INPP4B: variants seen among roughly 807,000 people sequenced by gnomAD.
INPP4B encodes the protein inositol polyphosphate 4-phosphatase type II.
INPP4B carries 55 observed loss-of-function variants against 122.5 expected under a neutral mutation model. That is an observed-to-expected ratio of 0.45 (90% CI 0.36 to 0.56). The LOEUF (loss-of-function observed/expected upper bound fraction) is 0.56. Ranked by LOEUF, INPP4B falls within the 20% of genes least tolerant of loss-of-function variation. INPP4B has a pLI of 0.00. For synonymous variants in INPP4B, 403 were observed against 388.7 expected (o/e 1.04, Z -0.43); for missense variants, 1,000 against 1,097.7 (o/e 0.91, Z 1.26).
At chr4:142,123,674 A>G (rs536825508) in intron 19 of INPP4B, among the ~76,000 whole-genome samples, 1 of 152,280 alleles carries the variant, frequency 6.6e-6, no homozygotes, top group African/African-American at 2.4e-5. Context: ...TTCAAATCTT[A>G]TATCTACCAT....
rs1395065264 is a variant in INPP4B at position 142,405,254 on chromosome 4, G to A, written c.207C>T (p.His69=). Residue 69 remains histidine (H), a synonymous_variant, in exon 6 of 26, where the codon CAC becomes CAT. Transcript: ENST00000262992. ...LNTLVQISVI[H]PVEQSLTRYS... is the part of the protein sequence containing the mutation. ...ATCTTGTCAGACTCTGCTCCACGGG[G>A]TGGATTACGGAGATCTGCACCAGTG... The A allele has an allele frequency of 1.2e-6, 2 of 1,613,588 alleles. No individual in the cohort carries two copies. Among genetic ancestry groups the A allele is most frequent in the Non-Finnish European group, 1.7e-6 (2 of 1,179,698 alleles).
intron 2 of INPP4B, among the ~76,000 whole-genome samples, chr4:142,553,669 A>G (rs2150086773): frequency 6.6e-6 from 1 of 152,274 alleles, no homozygotes; most frequent in South Asian, 2.1e-4. Flanking sequence ...ACAGTGGTAA[A>G]TACCTTGATA....
chr4:142,665,851 T>C (rs1755954140), intron 2 of INPP4B, among the ~76,000 whole-genome samples: 1 of 151,470 alleles, frequency 6.6e-6, no homozygotes, highest in South Asian at 2.1e-4. Flanking sequence ...GGCTATGTTC[T>C]AAGACCCCCA....
intron 7 of INPP4B, among the ~76,000 whole-genome samples, chr4:142,363,064 G>A (rs1012618853): frequency 2.6e-5 from 4 of 152,006 alleles, no homozygotes; most frequent in African/African-American, 9.7e-5. Flanking sequence ...TGATCTCCCT[G>A]TACTTTTATT....
chr4:142,667,762 A>G (rs1393523340), intron 2 of INPP4B, among the ~76,000 whole-genome samples: 1 of 152,220 alleles, frequency 6.6e-6, no homozygotes, highest in African/African-American at 2.4e-5. Flanking sequence ...CTGTTCAAGA[A>G]GGAGGCCTCA....
rs1028182423 is a variant in INPP4B at position 142,321,123 on chromosome 4, A to C, written c.373-6361T>G. ...TTCTCTTTTTACCACATCCACACCA[A>C]CATCTATTATTTTTTTGATTTTTTA... is the stretch of plus-strand genomic sequence containing the variant. On this transcript the variant is annotated intron_variant, in intron 7 of 25. Transcript: ENST00000262992. Among the ~76,000 whole-genome samples, 4 of 152,176 alleles carry C rather than the reference A, an allele frequency of 2.6e-5. No individual in the cohort carries two copies. The East Asian group carries it at 7.7e-4, about 29-fold the overall frequency.
intron 1 of INPP4B, among the ~76,000 whole-genome samples, chr4:142,789,422 C>T (rs867404323): frequency 1.3e-5 from 2 of 152,034 alleles, no homozygotes; most frequent in Non-Finnish European, 2.9e-5. Context: ...AATCAGTGCT[C>T]TTCTATACAC....
chr4:142,779,426 A>G (rs1003702058), intron 1 of INPP4B, among the ~76,000 whole-genome samples: 5 of 152,126 alleles, frequency 3.3e-5, no homozygotes, highest in Admixed American at 3.3e-4. Context: ...TAAAACCATC[A>G]AGAGTACAGA....
intron 2 of INPP4B, chr4:142,654,367 T>TAAAAAAAAAAAAAAAAA (rs10677341): frequency 9.9e-6 from 1 of 100,998 alleles, no homozygotes; most frequent in African/African-American, 3.9e-5. Flanking sequence ...ACTTAAAGTA[T>TAAAAAAAAAAAAAAAAA]AAAAAAAAAA....
At chr4:142,257,541 A>G (rs1287492910) in intron 11 of INPP4B, among the ~76,000 whole-genome samples, 4 of 152,230 alleles carry the variant, frequency 2.6e-5, no homozygotes, top group African/African-American at 9.6e-5. Flanking sequence ...AAAAATCACA[A>G]GCATTCTTAT....
chr4:142,250,609 A>G (rs568567723), intron 11 of INPP4B, among the ~76,000 whole-genome samples: 16 of 152,328 alleles, frequency 1.1e-4, no homozygotes, highest in African/African-American at 2.9e-4. Flanking sequence ...TATCTGCACA[A>G]TGCACCTTTA....
At chr4:142,267,065 A>G (rs973172388) in intron 10 of INPP4B, among the ~76,000 whole-genome samples, 1 of 152,248 alleles carries the variant, frequency 6.6e-6, no homozygotes, top group Non-Finnish European at 1.5e-5. Context: ...TAGATAACAC[A>G]GATAAATAGA....
chr4:142,524,537 A>G (rs545971579), intron 2 of INPP4B, among the ~76,000 whole-genome samples: 1 of 152,008 alleles, frequency 6.6e-6, no homozygotes, highest in African/African-American at 2.4e-5. Flanking sequence ...GTTTGAGTTC[A>G]TTGTAGATTC....
At chr4:142,243,283 A>G (rs1860438881) in intron 11 of INPP4B, among the ~76,000 whole-genome samples, 2 of 152,242 alleles carry the variant, frequency 1.3e-5, no homozygotes, top group African/African-American at 4.8e-5. Flanking sequence ...GACTTAGGAA[A>G]GATAGTTGAA....
intron 2 of INPP4B, among the ~76,000 whole-genome samples, chr4:142,576,936 T>C (rs1014925092): frequency 2.6e-5 from 4 of 152,070 alleles, no homozygotes; most frequent in Non-Finnish European, 5.9e-5. Flanking sequence ...GATGTGTCCA[T>C]GTACACATGC....
chr4:142,423,680 G>A (rs1359549706), intron 5 of INPP4B: 5 of 322,918 alleles, frequency 1.5e-5, no homozygotes, highest in South Asian at 5.3e-5. Context: ...ACTCTAGGAC[G>A]GTACACATCA....
intron 2 of INPP4B, among the ~76,000 whole-genome samples, chr4:142,652,012 C>T (rs536504351): frequency 6.6e-6 from 1 of 152,288 alleles, no homozygotes; most frequent in East Asian, 1.9e-4. Context: ...CATCAAAAGG[C>T]TTATCCACCA....
intron 1 of INPP4B, among the ~76,000 whole-genome samples, chr4:142,751,087 T>C (rs566196849): frequency 6.6e-6 from 1 of 151,928 alleles, no homozygotes; most frequent in East Asian, 1.9e-4. Context: ...AAAAATAGCA[T>C]GATGTTGAGA....
intron 2 of INPP4B, among the ~76,000 whole-genome samples, chr4:142,649,109 C>T (rs746692176): frequency 1.4e-4 from 21 of 152,204 alleles, no homozygotes; most frequent in Non-Finnish European, 2.4e-4. Context: ...CAAACTTCAA[C>T]AGACCTGCAG....
Sources: gnomAD v4.1 joint callset for allele counts (sites outside exome capture counted in the v4.1 genomes callset) on GRCh38, gnomAD v4.1.1 for gene constraint, MANE v1.5 for transcripts, NCBI Gene and HGNC (gene_info 2026-07-23, HGNC 2026-07-21) for gene names.